DSCAML1: variants seen among roughly 807,000 people sequenced by gnomAD.
DSCAML1 encodes the protein cell adhesion molecule DSCAML1.
A neutral mutation model predicts 200.5 loss-of-function variants in DSCAML1; 38 were observed. That is an observed-to-expected ratio of 0.19 (90% CI 0.15 to 0.25). The LOEUF (loss-of-function observed/expected upper bound fraction) is 0.25, where lower values mean the gene tolerates loss of function less well. Among genes scored for constraint, DSCAML1 ranks in the 10% least tolerant of loss-of-function variants. The pLI, the probability that DSCAML1 is intolerant of heterozygous loss-of-function variation, is 1.00. For synonymous variants in DSCAML1, 1,215 were observed against 1,165.0 expected (o/e 1.04, Z -0.87); for missense variants, 2,223 against 2,858.8 (o/e 0.78, Z 5.07).
At chr11:117,432,541 A>G in intron 29 of DSCAML1, 37 bp from the exon 30 acceptor site, 1 of 1,591,450 alleles carries the variant, frequency 6.3e-7, no homozygotes, top group African/African-American at 1.4e-5. Context: ...AGTCCTTTAC[A>G]ATTGTTTTTT....
chr11:117,431,629 C>T lies in DSCAML1; in HGVS notation c.5279G>A (p.Arg1760His), dbSNP rs758832848. 2.9e-5 allele frequency: 47 copies of T among 1,612,830 alleles called. No homozygotes were observed. In the African/African-American group the frequency reaches 3.3e-4, roughly 11 times the overall value. The change falls in exon 31 of 33, where the codon CGC becomes CAC. Residue 1760 changes from arginine (R) to histidine (H), a missense_variant. Transcript: ENST00000651296. ...LTKCQASTPA[R>H]TLTSDWRTVG... ...GGTGCGCCAGTCGGAGGTGAGGGTG[C>T]GGGCAGGTGTGGAGGCCTGGCACTT... is the stretch of plus-strand genomic sequence containing the variant.
chr11:117,593,706 T>A (rs1348740646), intron 3 of DSCAML1, among the ~76,000 whole-genome samples: 1 of 134,926 alleles, frequency 7.4e-6, no homozygotes, highest in Non-Finnish European at 1.5e-5. Context: ...CTCACTATAT[T>A]TCTTGTTTTT....
intron 3 of DSCAML1, among the ~76,000 whole-genome samples, chr11:117,532,751 G>T (rs755038262): frequency 2.0e-5 from 3 of 152,136 alleles, no homozygotes; most frequent in Non-Finnish European, 4.4e-5. Flanking sequence ...CTTATGGGCT[G>T]TGTGACCTTG....
chr11:117,604,711 G>A (rs2051530996), intron 3 of DSCAML1, among the ~76,000 whole-genome samples: 1 of 152,222 alleles, frequency 6.6e-6, no homozygotes, highest in Non-Finnish European at 1.5e-5. Context: ...GCTTCTCTGT[G>A]AGGGCTCCAG....
At chr11:117,571,125 C>T (rs774134842) in intron 3 of DSCAML1, among the ~76,000 whole-genome samples, 2 of 152,196 alleles carry the variant, frequency 1.3e-5, no homozygotes, top group Non-Finnish European at 2.9e-5. Flanking sequence ...GGGACGATGT[C>T]GGGAGACCAG....
At chr11:117,630,423 C>T (rs12361428) in intron 3 of DSCAML1, among the ~76,000 whole-genome samples, 8 of 152,096 alleles carry the variant, frequency 5.3e-5, no homozygotes, top group Non-Finnish European at 1.2e-4. Context: ...GCAGTGAGTT[C>T]TGCCATTCCA....
At chr11:117,519,547 C>G (rs563574300) in intron 6 of DSCAML1, among the ~76,000 whole-genome samples, 1 of 152,172 alleles carries the variant, frequency 6.6e-6, no homozygotes, top group Non-Finnish European at 1.5e-5. Flanking sequence ...AGGCCAGCCA[C>G]GGTTGCTTAT....
intron 3 of DSCAML1, among the ~76,000 whole-genome samples, chr11:117,775,173 C>T (rs1404251867): frequency 2.0e-5 from 3 of 152,174 alleles, no homozygotes; most frequent in African/African-American, 7.2e-5. Flanking sequence ...CCTCACCAGC[C>T]CATGGTCCCT....
At chr11:117,737,756 C>T (rs555793680) in intron 3 of DSCAML1, among the ~76,000 whole-genome samples, 8 of 152,216 alleles carry the variant, frequency 5.3e-5, no homozygotes, top group South Asian at 4.1e-4. Flanking sequence ...GATACATTCG[C>T]GGAGGGGTTT....
intron 3 of DSCAML1, among the ~76,000 whole-genome samples, chr11:117,574,522 T>C (rs1443938234): frequency 6.6e-6 from 1 of 152,196 alleles, no homozygotes; most frequent in East Asian, 1.9e-4. Flanking sequence ...TTTCTCCAGA[T>C]GCAGGGGCCC....
chr11:117,564,013 G>A (rs495118), intron 3 of DSCAML1, among the ~76,000 whole-genome samples: 125,742 of 152,146 alleles, frequency 0.83, 52,464 homozygotes, highest in Middle Eastern at 0.89. Flanking sequence ...TGCCAAGGGC[G>A]TAGTGGCCCA....
chr11:117,596,831 A>G (rs968239849), intron 3 of DSCAML1, among the ~76,000 whole-genome samples: 1 of 152,246 alleles, frequency 6.6e-6, no homozygotes, highest in Non-Finnish European at 1.5e-5. Flanking sequence ...TTGAATGCAG[A>G]GGCAAACCTG....
At position 117,764,015 on chromosome 11, in the gene DSCAML1, C is replaced by A. The variant is rs146369056; in HGVS notation, c.511+12776G>T. 5.8e-3 allele frequency among the ~76,000 whole-genome samples: 883 copies of A among 152,318 alleles called. 5 individuals are homozygous for A. The highest frequency in any genetic ancestry group is 0.016 in the African/African-American group (670 of 41,558). ...ATTCCTTTCCTGCACCCTCATCACA[C>A]TCTTGTGTGTTGTGTTGTTTCCTTG... On this transcript the variant is annotated intron_variant, in intron 3 of 32. Transcript: ENST00000651296.
In DSCAML1 at chr11:117,437,001, C is replaced by A; in HGVS notation, c.4720+121G>T. 7.4e-7 allele frequency: 1 copy of A among 1,351,940 alleles called. No homozygotes were observed. The highest frequency in any genetic ancestry group is 1.5e-5 in the South Asian group (1 of 68,950). 83.7% of individuals were successfully genotyped at this position (1,351,940 alleles called of 1,614,324 possible). A position where few individuals can be genotyped will look rare whatever the true frequency, so the allele number is the denominator to read the frequency against. ...TTCACCTGCAGGCCAGCATTTCCCC[C>A]ACCTGCATTCCTGCCTGTTTTTCTA... On this transcript the variant is annotated intron_variant, in intron 26 of 32. Coordinates refer to ENST00000651296, the MANE Select transcript of DSCAML1 (RefSeq NM_020693.4). The surrounding 1 kb of genome is among the most constrained non-coding windows in gnomAD (Gnocchi z 5.3).
At chr11:117,778,537 G>C (rs2055173666) in intron 2 of DSCAML1, among the ~76,000 whole-genome samples, 1 of 152,226 alleles carries the variant, frequency 6.6e-6, no homozygotes, top group African/African-American at 2.4e-5. Flanking sequence ...ATCACCATAA[G>C]AGCAGCGTAT....
At chr11:117,515,610 C>CTTGTTTTTTTTTTT (rs2049746444) in intron 8 of DSCAML1, among the ~76,000 whole-genome samples, 1 of 65,122 alleles carries the variant, frequency 1.5e-5, no homozygotes, top group Non-Finnish European at 2.7e-5. Flanking sequence ...AGGGACGAAG[C>CTTGTTTTTTTTTTT]TTTTTTTTTT....
chr11:117,708,000 T>G (rs1364071844), intron 3 of DSCAML1, among the ~76,000 whole-genome samples: 1 of 152,190 alleles, frequency 6.6e-6, no homozygotes, highest in East Asian at 1.9e-4. Flanking sequence ...ACATGAAGAC[T>G]GCATTAGGGC....
chr11:117,473,184 AT>A (rs35824911), intron 14 of DSCAML1, among the ~76,000 whole-genome samples: 55 of 150,266 alleles, frequency 3.7e-4, no homozygotes, highest in African/African-American at 1.2e-3. Context: ...GACTAAAAAA[AT>A]TTTTTTTTGG....
intron 3 of DSCAML1, among the ~76,000 whole-genome samples, chr11:117,716,710 G>C (rs1022836749): frequency 6.6e-6 from 1 of 152,092 alleles, no homozygotes; most frequent in Non-Finnish European, 1.5e-5. Flanking sequence ...TGAAATGGTT[G>C]GGGGGAAAAA....
Sources: gnomAD v4.1 joint callset for allele counts (sites outside exome capture counted in the v4.1 genomes callset) on GRCh38, gnomAD v4.1.1 for gene constraint, Gnocchi (gnomAD v3.1) non-coding constraint, MANE v1.5 for transcripts, NCBI Gene and HGNC (gene_info 2026-07-23, HGNC 2026-07-21) for gene names.